The following EIF3E variants were observed in gnomAD, a reference collection of about 807,000 sequenced individuals.
EIF3E encodes eukaryotic translation initiation factor 3 subunit E, also known as eIF-3 p48.
A neutral mutation model predicts 59.3 loss-of-function variants in EIF3E; 25 were observed. The ratio of observed to expected loss-of-function variants is 0.42; its 90% CI spans 0.31 to 0.59. The LOEUF (loss-of-function observed/expected upper bound fraction) is 0.59. Ranked by LOEUF, EIF3E falls within the 20% of genes least tolerant of loss-of-function variation. The pLI is 0.15. For synonymous variants in EIF3E, 176 were observed against 170.2 expected (o/e 1.03, Z -0.26); for missense variants, 317 against 534.3 (o/e 0.59, Z 4.01).
chr8:108,243,717 C>G (rs1354029875), intron 1 of EIF3E, among the ~76,000 whole-genome samples: 4 of 149,766 alleles, frequency 2.7e-5, no homozygotes, highest in African/African-American at 9.9e-5. Context: ...AATGTATTCG[C>G]TATTCATTTT....
At chr8:108,216,292 T>G in intron 9 of EIF3E, 120 bp downstream of exon 9, 1 of 738,930 alleles carries the variant, frequency 1.4e-6, no homozygotes, top group South Asian at 2.1e-5. Flanking sequence ...TTTTTAAGAT[T>G]AATAAGCATA....
intron 5 of EIF3E, among the ~76,000 whole-genome samples, chr8:108,231,030 C>T (rs1815613291): frequency 6.6e-6 from 1 of 151,910 alleles, no homozygotes; most frequent in South Asian, 2.1e-4. Context: ...AGTATGGCCA[C>T]AAAAGAACAA....
chr8:108,221,674 G>C (rs1295069938), intron 7 of EIF3E: 3 of 152,082 alleles, frequency 2.0e-5, no homozygotes, highest in Admixed American at 6.6e-5. Flanking sequence ...CACTGTCCAG[G>C]TATAACTGGC....
chr8:108,229,675 G>A (rs1414205546), intron 5 of EIF3E, among the ~76,000 whole-genome samples: 1 of 152,102 alleles, frequency 6.6e-6, no homozygotes, highest in Non-Finnish European at 1.5e-5. Flanking sequence ...TCAGTACGGA[G>A]AGAGGGAGAC....
chr8:108,203,983 C>T (rs1402482693), intron 10 of EIF3E, among the ~76,000 whole-genome samples: 2 of 151,996 alleles, frequency 1.3e-5, no homozygotes. Context: ...AAAACCAATA[C>T]AGTATAACAC....
At chr8:108,203,569 GT>G (rs1815037193) in intron 10 of EIF3E, 66 bp from the exon 11 acceptor site, 2 of 1,251,860 alleles carry the variant, frequency 1.6e-6, no homozygotes, top group Non-Finnish European at 2.3e-6. Flanking sequence ...TATGTACACA[GT>G]GTTGACTCAC....
At position 108,214,632 on chromosome 8, in the gene EIF3E, G is replaced by A. The variant is rs760870444; in HGVS notation, c.1036C>T (p.Arg346Cys). 16 of 1,608,370 alleles carry A rather than the reference G, an allele frequency of 9.9e-6. No homozygotes were observed. Among genetic ancestry groups the A allele is most frequent in the Non-Finnish European group, 1.3e-5 (15 of 1,178,386 alleles). Residue 346 changes from arginine to cysteine, a missense_variant, in exon 10 of 13, where the codon CGC (arginine) becomes TGC (cysteine). Arg to Cys is a radical substitution (Grantham distance 180, BLOSUM62 -3). Around this residue, in one of 4 missense-constraint regions of EIF3E, gnomAD observed 242 missense variants for 398.0 expected, o/e 0.61. Transcript: ENST00000220849. Reference sequence around the variant, plus strand: ...TTAATGCTGATACACTGGTGGATGCGACAGAAAGTCTCAAATATGAAGAGA... The same window carrying A: ...TTAATGCTGATACACTGGTGGATGCAACAGAAAGTCTCAAATATGAAGAGA... ...ARLFIFETFC[R>C]IHQCISINML... is the part of the protein sequence containing the mutation.
chr8:108,229,224 T>C, intron 5 of EIF3E, 29 bp from the exon 6 acceptor site: 2 of 1,606,166 alleles, frequency 1.2e-6, no homozygotes, highest in Non-Finnish European at 1.7e-6. Flanking sequence ...TTAATTATAT[T>C]GTGAATACTC....
intron 9 of EIF3E, among the ~76,000 whole-genome samples, chr8:108,215,345 G>A (rs144975235): frequency 0.025 from 3,851 of 152,144 alleles, 62 homozygotes; most frequent in Middle Eastern, 0.044. Context: ...GAGGCCAGGT[G>A]CGGTGGCTGA....
intron 3 of EIF3E, among the ~76,000 whole-genome samples, chr8:108,239,482 G>A (rs1039178461): frequency 6.6e-6 from 1 of 152,190 alleles, no homozygotes; most frequent in African/African-American, 2.4e-5. Context: ...GATTACAGGT[G>A]TGAGCCACCA....
chr8:108,204,144 C>A (rs1286400066), intron 10 of EIF3E, among the ~76,000 whole-genome samples: 2 of 151,900 alleles, frequency 1.3e-5, no homozygotes, highest in African/African-American at 2.4e-5. Context: ...GGTCCTAGAA[C>A]CAGTCCCCCA....
chr8:108,248,355 C>G (rs1457456848), intron 1 of EIF3E, among the ~76,000 whole-genome samples: 1 of 152,142 alleles, frequency 6.6e-6, no homozygotes, highest in African/African-American at 2.4e-5. Flanking sequence ...TGCGAAAATC[C>G]CTCCCGCACT....
intron 10 of EIF3E, among the ~76,000 whole-genome samples, chr8:108,211,014 G>A (rs1190671650): frequency 2.0e-5 from 3 of 152,100 alleles, no homozygotes; most frequent in Admixed American, 6.5e-5. Flanking sequence ...CATTTGGGTC[G>A]GTTCCAAGTC....
At chr8:108,207,406 T>G (rs1388972081) in intron 10 of EIF3E, among the ~76,000 whole-genome samples, 1 of 152,206 alleles carries the variant, frequency 6.6e-6, no homozygotes, top group African/African-American at 2.4e-5. Context: ...AGGCTGTCCC[T>G]GGTGGTCTAG....
At chr8:108,208,007 G>C (rs73700822) in intron 10 of EIF3E, among the ~76,000 whole-genome samples, 2 of 152,090 alleles carry the variant, frequency 1.3e-5, no homozygotes, top group Non-Finnish European at 1.5e-5. Context: ...CTTAAGGACA[G>C]AAGATATATA....
chr8:108,218,466 G>T (rs1815344172), intron 7 of EIF3E, among the ~76,000 whole-genome samples: 1 of 152,140 alleles, frequency 6.6e-6, no homozygotes, highest in African/African-American at 2.4e-5. Context: ...AAACTCTTTA[G>T]AGGACCCTAG....
intron 1 of EIF3E, 67 bp downstream of exon 1, chr8:108,248,546 C>A: frequency 6.5e-7 from 1 of 1,529,000 alleles, no homozygotes; most frequent in South Asian, 1.1e-5. Flanking sequence ...CTACAGACAC[C>A]ACCTTTCGGC....
chr8:108,229,725 T>A (rs987371074), intron 5 of EIF3E, among the ~76,000 whole-genome samples: 1 of 152,156 alleles, frequency 6.6e-6, no homozygotes, highest in African/African-American at 2.4e-5. Flanking sequence ...TTAATAGTTA[T>A]CAAAGGATTA....
intron 5 of EIF3E, among the ~76,000 whole-genome samples, chr8:108,232,280 T>C (rs934540368): frequency 6.6e-6 from 1 of 152,194 alleles, no homozygotes; most frequent in Non-Finnish European, 1.5e-5. Context: ...AAATGTTTTG[T>C]GGCTCAGACA....
Sources: allele counts gnomAD v4.1 joint callset (sites outside exome capture counted in the v4.1 genomes callset), GRCh38; gene constraint gnomAD v4.1.1; regional missense constraint gnomAD v4.1.1; transcripts MANE v1.5; gene names NCBI Gene and HGNC (gene_info 2026-07-23, HGNC 2026-07-21).